Variants in HPGD observed in about 807,000 individuals in gnomAD.
HPGD encodes 15-hydroxyprostaglandin dehydrogenase.
A neutral mutation model predicts 30.0 loss-of-function variants in HPGD; 29 were observed. The ratio of observed to expected loss-of-function variants is 0.97; its 90% CI spans 0.72 to 1.32. HPGD has a LOEUF of 1.32. HPGD is among the 40% of genes most tolerant of loss of function. HPGD has a pLI of 0.00. For missense variants in HPGD, 340 were observed against 322.1 expected, an observed-to-expected ratio of 1.06 and a Z score of -0.43; for synonymous variants, 99 against 112.4, an observed-to-expected ratio of 0.88 and a Z score of 0.75.
At chr4:174,518,207 A>G in intron 2 of HPGD, 130 bp from the exon 3 acceptor site, 1 of 574,458 alleles carries the variant, frequency 1.7e-6, no homozygotes, top group Non-Finnish European at 3.1e-6. Context: ...TCATGGGCTG[A>G]GTGTAATTAA....
intron 4 of HPGD, among the ~76,000 whole-genome samples, chr4:174,497,641 G>T (rs1193924219): frequency 8.1e-6 from 1 of 123,674 alleles, no homozygotes; most frequent in Non-Finnish European, 1.6e-5. Flanking sequence ...GCAGTGGCCT[G>T]ATCTCTGTTC....
chr4:174,503,050 C>T (rs938201762), intron 4 of HPGD, among the ~76,000 whole-genome samples: 1 of 152,174 alleles, frequency 6.6e-6, no homozygotes, highest in Admixed American at 6.5e-5. Context: ...TTCTCAGTAG[C>T]CCTCTCATTC....
intron 4 of HPGD, among the ~76,000 whole-genome samples, chr4:174,497,883 C>T (rs1734714316): frequency 6.9e-6 from 1 of 144,324 alleles, no homozygotes; most frequent in Non-Finnish European, 1.5e-5. Flanking sequence ...GCCTCACTTT[C>T]TCTCTCTCTC....
chr4:174,507,504 C>T (rs1735245783), intron 4 of HPGD: 1 of 152,192 alleles, frequency 6.6e-6, no homozygotes, highest in Non-Finnish European at 1.5e-5. Context: ...TACCTCCAAA[C>T]CCAACTTCCC....
intron 4 of HPGD, among the ~76,000 whole-genome samples, chr4:174,501,766 A>G (rs1278667916): frequency 2.0e-5 from 3 of 152,164 alleles, no homozygotes; most frequent in African/African-American, 7.2e-5. Flanking sequence ...GTGTACTAAT[A>G]GAACAAAGAA....
chr4:174,516,111 C>A (rs953685441), intron 3 of HPGD, among the ~76,000 whole-genome samples: 5 of 152,160 alleles, frequency 3.3e-5, no homozygotes, highest in African/African-American at 9.7e-5. Context: ...TAAAACAGAA[C>A]TACCATTCAA....
intron 4 of HPGD, 116 bp downstream of exon 4, chr4:174,508,580 C>A: frequency 1.4e-6 from 1 of 736,732 alleles, no homozygotes; most frequent in South Asian, 1.4e-5. Context: ...AACTATAAAA[C>A]GATCAGATTT....
Position 174,495,573 on chromosome 4 carries a change from A to C in HPGD, c.473T>G (p.Ile158Arg). 1.9e-6 allele frequency: 3 copies of C among 1,613,770 alleles called. No individual in the cohort carries two copies. The highest frequency in any genetic ancestry group is 2.5e-6 in the Non-Finnish European group (3 of 1,179,670). The change falls in exon 5 of 7, where the codon ATA becomes AGA. Residue 158 changes from isoleucine (I) to arginine (R), a missense_variant. By Grantham distance (97) the Ile-to-Arg change is moderately conservative (BLOSUM62 -3). Transcript: ENST00000296522. ...CGCTGCTGAGCGTGTGAATCCAACTATGCCATGCTTTGAAGCACAATAAAC... is the reference window on the plus strand; with the variant it reads ...CGCTGCTGAGCGTGTGAATCCAACTCTGCCATGCTTTGAAGCACAATAAAC... The part of the protein sequence containing the change: ...QPVYCASKHG[I>R]VGFTRSAALA...
chr4:174,514,232 T>C (rs758453862), intron 3 of HPGD, among the ~76,000 whole-genome samples: 1 of 152,100 alleles, frequency 6.6e-6, no homozygotes, highest in Non-Finnish European at 1.5e-5. Context: ...CTCATTTCAA[T>C]ACATTTCTAC....
intron 4 of HPGD, among the ~76,000 whole-genome samples, chr4:174,504,435 C>T (rs1351122806): frequency 4.6e-5 from 7 of 152,146 alleles, no homozygotes; most frequent in Non-Finnish European, 8.8e-5. Flanking sequence ...CTAGTGAACA[C>T]CACAGCCTCA....
chr4:174,503,017 C>T (rs1386493961), intron 4 of HPGD, among the ~76,000 whole-genome samples: 1 of 152,184 alleles, frequency 6.6e-6, no homozygotes, highest in Non-Finnish European at 1.5e-5. Context: ...ATCTGAGAAG[C>T]ACTGTTCTAG....
At position 174,493,293 on chromosome 4, in the gene HPGD, T is replaced by G. The variant is rs200207595; in HGVS notation, c.520A>C (p.Ser174Arg). Residue 174 changes from serine (S) to arginine (R), a missense_variant, in exon 6 of 7, where the codon AGT becomes CGT. Transcript: ENST00000296522. Reference sequence around the variant, plus strand: ...CAAATGGCATTCAGTCTCACACCACTGTTCATAAGATTAGCAGCCAACTGC... The same window carrying G: ...CAAATGGCATTCAGTCTCACACCACGGTTCATAAGATTAGCAGCCAACTGC... ...SAALAANLMN[S>R]GVRLNAICPG... is the part of the protein sequence containing the mutation. 2.2e-5 allele frequency: 35 copies of G among 1,613,228 alleles called. No individual in the cohort carries two copies. The African/African-American group carries it at 4.3e-4, about 20-fold the overall frequency.
At chr4:174,509,478 A>C (rs1258204106) in intron 3 of HPGD, among the ~76,000 whole-genome samples, 1 of 152,226 alleles carries the variant, frequency 6.6e-6, no homozygotes, top group Non-Finnish European at 1.5e-5. Flanking sequence ...CCTGGGAGGC[A>C]ATCAGCTAGA....
At chr4:174,512,402 T>A (rs1735554639) in intron 3 of HPGD, among the ~76,000 whole-genome samples, 1 of 152,160 alleles carries the variant, frequency 6.6e-6, no homozygotes, top group Admixed American at 6.5e-5. Context: ...ATGGTATAAA[T>A]ATGTTGTATA....
chr4:174,490,901 T>G lies in HPGD; in HGVS notation c.*1055A>C, dbSNP rs1436942311. 3.9e-5 allele frequency: 6 copies of G among 152,320 alleles called. No individual in the cohort carries two copies. Among genetic ancestry groups the G allele is most frequent in the Non-Finnish European group, 8.8e-5 (6 of 67,996 alleles). 9.4% of individuals were successfully genotyped at this position (152,320 alleles called of 1,614,324 possible). On this transcript the variant is annotated 3_prime_UTR_variant, in exon 7 of 7. Coordinates refer to ENST00000296522, the MANE Select transcript of HPGD (RefSeq NM_000860.6). The surrounding 1 kb of genome is among the most constrained non-coding windows in gnomAD (Gnocchi z 4.4). ...TGCAAAGAGTTTTACCCAAAGCAGG[T>G]GTATTTAATGATTCTTAAGATAGCT...
In HPGD at chr4:174,513,242, A is replaced by G. The variant is rs1735600818; in HGVS notation, c.325-4450T>C. Among the ~76,000 whole-genome samples, 3 of 152,204 alleles carry G rather than the reference A, an allele frequency of 2.0e-5. No homozygotes were observed. The South Asian group carries it at 6.2e-4, about 31-fold the overall frequency. On this transcript the variant is annotated intron_variant, in intron 3 of 6. Coordinates refer to ENST00000296522, the MANE Select transcript of HPGD (RefSeq NM_000860.6). Reference sequence around the variant, plus strand: ...TGTTAAAGAGAGAAAGCTGTTGTGCAATTTGTGCTTTTTCACTGGGATAGC... The same window carrying G: ...TGTTAAAGAGAGAAAGCTGTTGTGCGATTTGTGCTTTTTCACTGGGATAGC...
rs753335481 is a variant in HPGD, at chr4:174,496,697, G to T, written c.422-1073C>A. On this transcript the variant is annotated intron_variant, in intron 4 of 6. Transcript: ENST00000296522. The surrounding 1 kb of genome is among the most constrained non-coding windows in gnomAD (Gnocchi z 4.6). Reference sequence around the variant, plus strand: ...CATGCTAATAATACCAAATTATTCTGCTGAGACATGCTCATCTCCACCCAG... The same window carrying T: ...CATGCTAATAATACCAAATTATTCTTCTGAGACATGCTCATCTCCACCCAG... Among the ~76,000 whole-genome samples the T allele has an allele frequency of 5.9e-5, 9 of 152,108 alleles. No homozygotes were observed. Among genetic ancestry groups the T allele is most frequent in the Non-Finnish European group, 1.3e-4 (9 of 68,040 alleles).
At chr4:174,505,493 A>G (rs990859078) in intron 4 of HPGD, among the ~76,000 whole-genome samples, 21 of 152,232 alleles carry the variant, frequency 1.4e-4, no homozygotes, top group African/African-American at 5.1e-4. Context: ...AAGGGCATAA[A>G]ATTGTTGATA....
intron 3 of HPGD, among the ~76,000 whole-genome samples, chr4:174,510,581 A>C (rs898901229): frequency 6.6e-6 from 1 of 152,156 alleles, no homozygotes; most frequent in Non-Finnish European, 1.5e-5. Context: ...TTTATTTTTA[A>C]TTTTTTAGAA....
Sources: gnomAD v4.1 joint callset for allele counts (sites outside exome capture counted in the v4.1 genomes callset) on GRCh38, gnomAD v4.1.1 for gene constraint, Gnocchi (gnomAD v3.1) non-coding constraint, MANE v1.5 for transcripts, NCBI Gene and HGNC (gene_info 2026-07-23, HGNC 2026-07-21) for gene names.